LRRK1: variants seen among roughly 807,000 people sequenced by gnomAD.
LRRK1 encodes the protein leucine rich repeat kinase 1.
A neutral mutation model predicts 209.1 loss-of-function variants in LRRK1; 113 were observed. The ratio of observed to expected loss-of-function variants is 0.54; its 90% confidence interval spans 0.46 to 0.63. LRRK1 has a LOEUF of 0.63. Among genes scored for constraint, LRRK1 ranks in the 30% least tolerant of loss-of-function variants. LRRK1 has a pLI of 0.00. For missense variants in LRRK1, 2,284 were observed against 2,632.2 expected, an observed-to-expected ratio of 0.87 and a Z score of 2.89; for synonymous variants, 1,144 against 1,099.7, an observed-to-expected ratio of 1.04 and a Z score of -0.80.
chr15:100,979,143 C>T (rs2031463859), intron 3 of LRRK1, among the ~76,000 whole-genome samples: 1 of 152,020 alleles, frequency 6.6e-6, no homozygotes, highest in Non-Finnish European at 1.5e-5. Flanking sequence ...GAAAAGTTAC[C>T]TTATCATATC....
intron 28 of LRRK1, 49 bp downstream of exon 28, chr15:101,057,099 G>A (rs773344318): frequency 1.3e-6 from 2 of 1,495,750 alleles, no homozygotes; most frequent in Middle Eastern, 1.8e-4. Flanking sequence ...GCCATGTGAG[G>A]AAGCTGTGGG....
In LRRK1 at chr15:101,029,141, C is replaced by A; in HGVS notation, c.2872C>A (p.Leu958Met). The part of the protein sequence containing the change: ...VIRAEDLRML[L>M]VGTGFTQQTE... ...CAGAGCAGAAGACCTCAGGATGCTG[C>A]TGGTGGGGACTGGCTTCACGCAGCA... is the stretch of plus-strand genomic sequence containing the variant. The change falls in exon 20 of 34, where the codon CTG becomes ATG. Residue 958 changes from leucine (L) to methionine (M), a missense_variant. Transcript: ENST00000388948. 1 of 1,614,218 alleles carries A rather than the reference C, an allele frequency of 6.2e-7. No homozygotes were observed. The highest frequency in any genetic ancestry group is 8.5e-7 in the Non-Finnish European group (1 of 1,180,040).
intron 4 of LRRK1, among the ~76,000 whole-genome samples, chr15:100,984,842 G>A (rs1208212778): frequency 6.6e-6 from 1 of 152,084 alleles, no homozygotes; most frequent in Non-Finnish European, 1.5e-5. Context: ...CAGCTATAGG[G>A]TGAGGCACAC....
intron 33 of LRRK1, among the ~76,000 whole-genome samples, chr15:101,068,218 A>G (rs2036641897): frequency 6.6e-6 from 1 of 152,220 alleles, no homozygotes; most frequent in African/African-American, 2.4e-5. Context: ...TCCATTTAAT[A>G]TATGATCCTG....
chr15:101,066,053 C>T lies in LRRK1; in HGVS notation c.5616C>T (p.Ser1872=), dbSNP rs1198517786. The change falls in exon 32 of 34, where the codon TCC becomes TCT. Residue 1872 remains serine, a synonymous_variant. Coordinates refer to ENST00000388948, the MANE Select transcript of LRRK1 (RefSeq NM_024652.6). ...SPASSSSVPF[S]TDCEDSDMLH... is the part of the protein sequence containing the mutation. ...CAAGTTCTTCCAGTGTGCCTTTCTC[C>T]ACCGACTGCGAGGACTCAGACATGC... 7 of 1,614,048 alleles carry T rather than the reference C, an allele frequency of 4.3e-6. No homozygotes were observed. Among genetic ancestry groups the T allele is most frequent in the African/African-American group, 4.0e-5 (3 of 74,926 alleles).
intron 12 of LRRK1, among the ~76,000 whole-genome samples, chr15:101,016,513 T>A (rs1265055174): frequency 2.7e-5 from 4 of 148,642 alleles, no homozygotes; most frequent in African/African-American, 1.0e-4. Context: ...GTTAATCTCA[T>A]CATAAGGGCC....
intron 2 of LRRK1, among the ~76,000 whole-genome samples, chr15:100,926,316 C>A (rs573889269): frequency 1.9e-4 from 29 of 152,268 alleles, no homozygotes; most frequent in African/African-American, 7.0e-4. Flanking sequence ...AGCACCTCCA[C>A]CTTTCCAGTG....
intron 2 of LRRK1, among the ~76,000 whole-genome samples, chr15:100,947,847 T>G (rs2042571545): frequency 6.6e-6 from 1 of 152,162 alleles, no homozygotes; most frequent in Non-Finnish European, 1.5e-5. Flanking sequence ...AATCCATTTG[T>G]TAAAAAAGTA....
intron 2 of LRRK1, among the ~76,000 whole-genome samples, chr15:100,937,418 C>G (rs1057237127): frequency 3.3e-5 from 5 of 152,076 alleles, no homozygotes; most frequent in Non-Finnish European, 5.9e-5. Context: ...TAGGCCTGGA[C>G]TCAAAATGGC....
intron 2 of LRRK1, among the ~76,000 whole-genome samples, chr15:100,963,283 G>A (rs28394280): frequency 0.054 from 8,271 of 152,100 alleles, 352 homozygotes; most frequent in African/African-American, 0.12. Context: ...GGCCGCATCC[G>A]AGCCCCTTAT....
chr15:101,023,667 G>A lies in LRRK1; in HGVS notation c.2067+1070G>A, dbSNP rs144750082. ...CATGATTTTCCCCCAAAGCTCCCAC[G>A]CACAGTGCCAACCAAACACTGCAGC... is the stretch of plus-strand genomic sequence containing the variant. On this transcript the variant is annotated intron_variant, in intron 15 of 33. Transcript: ENST00000388948. 4.9e-4 allele frequency among the ~76,000 whole-genome samples: 75 copies of A among 152,282 alleles called. No individual in the cohort carries two copies. In the East Asian group the frequency reaches 9.1e-3, roughly 18 times the overall value.
At chr15:100,953,211 G>A (rs928440873) in intron 2 of LRRK1, among the ~76,000 whole-genome samples, 1 of 151,948 alleles carries the variant, frequency 6.6e-6, no homozygotes, top group Non-Finnish European at 1.5e-5. Context: ...TACTCAACAG[G>A]CTGTACATTA....
In LRRK1 at chr15:101,065,454, A is replaced by G; in HGVS notation, c.5017A>G (p.Thr1673Ala). Residue 1673 changes from threonine (T) to alanine (A), a missense_variant, in exon 32 of 34, where the codon ACA (threonine) becomes GCA (alanine). Coordinates refer to ENST00000388948, the MANE Select transcript of LRRK1 (RefSeq NM_024652.6). ...KDSCSYLCSH[T>A]ANRSKFSIAD... ...CAGCTGCTCCTACCTGTGCTCACAC[A>G]CAGCCAACAGGTCCAAGTTCAGCAT... The G allele has an allele frequency of 6.2e-7, 1 of 1,614,214 alleles. No homozygotes were observed. The highest frequency in any genetic ancestry group is 8.5e-7 in the Non-Finnish European group (1 of 1,180,040).
chr15:100,965,736 TCTC>T (rs2030409133), intron 2 of LRRK1, among the ~76,000 whole-genome samples: 2 of 152,176 alleles, frequency 1.3e-5, no homozygotes, highest in Admixed American at 1.3e-4. Context: ...CATTTATCCT[TCTC>T]CTCCTTTACT....
intron 3 of LRRK1, among the ~76,000 whole-genome samples, chr15:100,976,337 A>C (rs28880445): frequency 0.011 from 1,748 of 152,352 alleles, 42 homozygotes; most frequent in African/African-American, 0.04. Context: ...TGAGAACAGT[A>C]CCTGGAATGA....
chr15:100,932,886 C>T (rs1021010111), intron 2 of LRRK1, among the ~76,000 whole-genome samples: 1 of 152,156 alleles, frequency 6.6e-6, no homozygotes, highest in Admixed American at 6.5e-5. Context: ...TGACTCATCC[C>T]TAGGTTACAT....
chr15:100,989,205 C>T, intron 5 of LRRK1, 45 bp from the exon 6 acceptor site: 1 of 1,429,966 alleles, frequency 7.0e-7, no homozygotes, highest in Non-Finnish European at 9.7e-7. Flanking sequence ...ACGACTGTGA[C>T]ACTAGCATCT....
rs752310046 is a variant in LRRK1 at position 101,066,690 on chromosome 15, A to G, written c.5819A>G (p.Gln1940Arg). 9 of 1,614,104 alleles carry G rather than the reference A, an allele frequency of 5.6e-6. No homozygotes were observed. The South Asian group carries it at 7.7e-5, about 14-fold the overall frequency. Residue 1940 changes from glutamine (Q) to arginine (R), a missense_variant, in exon 33 of 34, where the codon CAG (glutamine) becomes CGG (arginine). Around this residue, in one of 6 missense-constraint regions of LRRK1, gnomAD observed 643 missense variants for 695.9 expected, o/e 0.92. Transcript: ENST00000388948. ...GGCCTGGAGAAGGATTCTGGCGCCC[A>G]GCGGGGCCGAGTCATTGCCGTCTTA... Reference protein sequence around the residue: ...VIGLEKDSGAQRGRVIAVLKA... With the variant: ...VIGLEKDSGARRGRVIAVLKA...
At chr15:100,938,060 T>C (rs2042335534) in intron 2 of LRRK1, among the ~76,000 whole-genome samples, 1 of 151,434 alleles carries the variant, frequency 6.6e-6, no homozygotes, top group Non-Finnish European at 1.5e-5. Context: ...GGGTTCACCA[T>C]GTTGCCCAGG....
Sources: allele counts gnomAD v4.1 joint callset (sites outside exome capture counted in the v4.1 genomes callset), GRCh38; gene constraint gnomAD v4.1.1; regional missense constraint gnomAD v4.1.1; transcripts MANE v1.5; gene names NCBI Gene and HGNC (gene_info 2026-07-23, HGNC 2026-07-21).